Variants in DNAH17 observed in about 807,000 individuals in gnomAD.
DNAH17 encodes dynein axonemal heavy chain 17, also known as axonemal beta dynein heavy chain 17.
A neutral mutation model predicts 485.6 loss-of-function variants in DNAH17; 376 were observed. That is an observed-to-expected ratio of 0.77 (90% CI 0.71 to 0.84). The LOEUF (loss-of-function observed/expected upper bound fraction) is 0.84. DNAH17 is among the 40% of genes least tolerant of loss of function. The probability of loss-of-function intolerance (pLI) is 0.00; values close to 1 mark genes in which losing one functional copy is unlikely to be tolerated. For synonymous variants in DNAH17, 3,031 were observed against 2,405.9 expected (o/e 1.26, Z -7.60); for missense variants, 6,370 against 5,839.3 (o/e 1.09, Z -2.96).
At chr17:78,429,363 G>T in intron 75 of DNAH17, 63 bp from the exon 76 acceptor site, 2 of 1,546,060 alleles carry the variant, frequency 1.3e-6, no homozygotes, top group South Asian at 2.3e-5. Context: ...CCATGAGAGG[G>T]TCAGGCTCAG....
At chr17:78,435,907 T>C (rs916271483) in intron 74 of DNAH17, among the ~76,000 whole-genome samples, 1 of 152,204 alleles carries the variant, frequency 6.6e-6, no homozygotes, top group African/African-American at 2.4e-5. Context: ...TATTGATTGA[T>C]TGGTTAATAG....
rs375335221 is a variant in DNAH17 at position 78,485,387 on chromosome 17, T to TC, written c.7483+162dup. ...AAAGAGGGGTCCCGGCTGCTCCTCC[T>TC]CTGTCTCCGACTCAGGAAGGAAAGG... On this transcript the variant is annotated intron_variant, in intron 47 of 80. Transcript: ENST00000389840. Among the ~76,000 whole-genome samples the TC allele has an allele frequency of 4.6e-3, 704 of 151,478 alleles. 8 individuals carry two copies. Among genetic ancestry groups the TC allele is most frequent in the African/African-American group, 0.016 (671 of 40,898 alleles).
chr17:78,478,070 C>G (rs1320221706), intron 51 of DNAH17, among the ~76,000 whole-genome samples: 4 of 148,372 alleles, frequency 2.7e-5, no homozygotes, highest in Non-Finnish European at 5.9e-5. Flanking sequence ...TCCACCATCA[C>G]CACCACCATC....
chr17:78,444,204 C>T (rs1157012898), intron 71 of DNAH17, among the ~76,000 whole-genome samples: 1 of 152,198 alleles, frequency 6.6e-6, no homozygotes, highest in East Asian at 1.9e-4. Context: ...TTTGTATGGC[C>T]TCAGTGCTTA....
At chr17:78,503,575 C>T (rs1486289947) in intron 31 of DNAH17, among the ~76,000 whole-genome samples, 1 of 152,004 alleles carries the variant, frequency 6.6e-6, no homozygotes, top group African/African-American at 2.4e-5. Flanking sequence ...GCAGCCTCCA[C>T]CTGTGGGCTC....
At chr17:78,485,850 A>C in intron 46 of DNAH17, 93 bp from the exon 47 acceptor site, 1 of 1,569,284 alleles carries the variant, frequency 6.4e-7, no homozygotes, top group Non-Finnish European at 8.7e-7. Flanking sequence ...AACAGGTCCT[A>C]ATGTTGAAAA....
rs559020067 is a variant in DNAH17, at chr17:78,560,486, C to A, written c.2031+254G>T. On this transcript the variant is annotated intron_variant, in intron 13 of 80. Coordinates refer to ENST00000389840, the MANE Select transcript of DNAH17 (RefSeq NM_173628.4). ...GATTCGGCAAAGACTTTTTCCCCCC[C>A]CCCAGTTTCAAATTGTCATTTCTTC... is the stretch of plus-strand genomic sequence containing the variant. 9.2e-5 allele frequency among the ~76,000 whole-genome samples: 14 copies of A among 152,150 alleles called. No homozygotes were observed. The South Asian group carries it at 1.9e-3, about 20-fold the overall frequency.
Position 78,468,706 on chromosome 17 carries a change from T to C in DNAH17, c.8689A>G (p.Met2897Val). 3 of 1,614,018 alleles carry C rather than the reference T, an allele frequency of 1.9e-6. No homozygotes were observed. Among genetic ancestry groups the C allele is most frequent in the Non-Finnish European group, 2.5e-6 (3 of 1,179,892 alleles). The change falls in exon 55 of 81, where the codon ATG (methionine) becomes GTG (valine). Residue 2897 changes from methionine (M) to valine (V), a missense_variant. Transcript: ENST00000389840. Reference sequence around the variant, plus strand: ...CCAAGGGACTTGACTTGGGGTCGCATGGAGGAGATGATGTTCTCCACCTCG... The same window carrying C: ...CCAAGGGACTTGACTTGGGGTCGCACGGAGGAGATGATGTTCTCCACCTCG... Reference protein sequence around the residue: ...EDEVENIISSMRPQVKSLGMN... With the variant: ...EDEVENIISSVRPQVKSLGMN...
Position 78,453,526 on chromosome 17 carries a change from C to T in DNAH17, c.10407-61G>A, listed in dbSNP as rs532022947. On this transcript the variant is annotated intron_variant, in intron 64 of 80. Transcript: ENST00000389840. ...GGGCCTCGTGATGGAACGGTGCGCA[C>T]GCTCCGACCAGCAGCCCCTGCCCTC... 1,436 of 1,596,034 alleles carry T rather than the reference C, an allele frequency of 9.0e-4. 2 individuals carry two copies. The highest frequency in any genetic ancestry group is 1.1e-3 in the Non-Finnish European group (1,247 of 1,168,718).
At chr17:78,490,932 A>T in intron 43 of DNAH17, 85 bp from the exon 44 acceptor site, 1 of 1,440,500 alleles carries the variant, frequency 6.9e-7, no homozygotes, top group Non-Finnish European at 9.2e-7. Flanking sequence ...ACTCGGAGCA[A>T]ACCTCCGAGC....
chr17:78,495,082 G>T lies in DNAH17; in HGVS notation c.5919C>A (p.Val1973=), dbSNP rs751924127. 3.1e-6 allele frequency: 5 copies of T among 1,608,678 alleles called. No homozygotes were observed. The highest frequency in any genetic ancestry group is 4.2e-6 in the Non-Finnish European group (5 of 1,177,864). ...CACATATCAGTTCGAAGTCGGGGAC[G>T]ACCATGGCACAGGGCCTGGGGAGGT... ...LKALFRPCAM[V]VPDFELICEI... The change falls in exon 39 of 81, where the codon GTC becomes GTA. Residue 1973 remains valine, a synonymous_variant. Transcript: ENST00000389840.
intron 20 of DNAH17, among the ~76,000 whole-genome samples, chr17:78,531,346 T>C (rs2143311711): frequency 6.7e-6 from 1 of 150,090 alleles, no homozygotes; most frequent in Middle Eastern, 3.4e-3. Context: ...TCTTTTTTTT[T>C]TTTTTTTTTT....
intron 77 of DNAH17, among the ~76,000 whole-genome samples, chr17:78,427,962 G>A (rs2672904): frequency 0.3 from 22,538 of 75,576 alleles, 1,936 homozygotes; most frequent in Middle Eastern, 0.36. Flanking sequence ...GCAAAACTCC[G>A]TCTCAAAAAA....
intron 47 of DNAH17, 129 bp from the exon 48 acceptor site, chr17:78,485,162 G>T (rs1459198953): frequency 8.0e-7 from 1 of 1,255,538 alleles, no homozygotes; most frequent in Non-Finnish European, 1.1e-6. Context: ...GTTTACCAAA[G>T]GTACCTGCCC....
At chr17:78,552,572 G>A in intron 15 of DNAH17, 125 bp downstream of exon 15, 1 of 507,110 alleles carries the variant, frequency 2.0e-6, no homozygotes, top group Admixed American at 3.0e-5. Context: ...TAGCCCCCTT[G>A]AAGTTAAAGC....
chr17:78,529,405 T>C (rs578219493), intron 22 of DNAH17, 67 bp downstream of exon 22: 81 of 1,509,774 alleles, frequency 5.4e-5, no homozygotes, highest in Admixed American at 6.7e-5. Flanking sequence ...GATGGGCTGG[T>C]CCATGGTCGC....
In DNAH17 at chr17:78,574,949, C is replaced by A. The variant is rs377396845; in HGVS notation, c.109G>T (p.Val37Leu). 9.3e-6 allele frequency: 15 copies of A among 1,613,984 alleles called. 1 individual carries two copies. In the South Asian group the frequency reaches 1.5e-4, roughly 17 times the overall value. Residue 37 changes from valine to leucine, a missense_variant, in exon 2 of 81, where the codon GTG (valine) becomes TTG (leucine). Physicochemically the swap from Val to Leu is conservative, Grantham distance 32 (BLOSUM62 1). Transcript: ENST00000389840. ...TCAAAGAACTCTGTGAACAGGGCCA[C>A]GTTCTCCTCGGCGCCTATCAGCTTG... ...WSKLIGAEEN[V>L]ALFTEFFEKP...
intron 74 of DNAH17, among the ~76,000 whole-genome samples, chr17:78,436,361 G>A (rs1419687866): frequency 2.0e-5 from 3 of 152,230 alleles, no homozygotes; most frequent in Non-Finnish European, 4.4e-5. Flanking sequence ...CCAGGAGGCA[G>A]AGGTGGCAGT....
At chr17:78,543,431 C>T (rs1425188033) in intron 17 of DNAH17, among the ~76,000 whole-genome samples, 1 of 152,120 alleles carries the variant, frequency 6.6e-6, no homozygotes, top group Non-Finnish European at 1.5e-5. Flanking sequence ...GCTGGGACTA[C>T]AAGCGCCCGC....
Sources: allele counts gnomAD v4.1 joint callset (sites outside exome capture counted in the v4.1 genomes callset), GRCh38; gene constraint gnomAD v4.1.1; transcripts MANE v1.5; gene names NCBI Gene and HGNC (gene_info 2026-07-23, HGNC 2026-07-21).